EXPH5: variants seen among roughly 807,000 people sequenced by gnomAD.
EXPH5 encodes exophilin-5.
A neutral mutation model predicts 41.1 loss-of-function variants in EXPH5; 42 were observed. That is an observed-to-expected ratio of 1.02 (90% CI 0.80 to 1.32). EXPH5 has a LOEUF of 1.32. EXPH5 is among the 40% of genes most tolerant of loss of function. The pLI is 0.00. For synonymous variants in EXPH5, 798 were observed against 833.5 expected, an observed-to-expected ratio of 0.96 and a Z score of 0.73; for missense variants, 2,298 against 2,314.5, an observed-to-expected ratio of 0.99 and a Z score of 0.15.
rs76473451 is a variant in EXPH5 at position 108,538,243 on chromosome 11, G to A, written c.443+781C>T. The A allele has an allele frequency of 1.1e-5, 11 of 985,390 alleles. No homozygotes were observed. The East Asian group carries it at 5.7e-4, about 51-fold the overall frequency. The allele number at this position is 985,390 out of a possible 1,614,324, so 61.0% of individuals were successfully genotyped here. ...TACACCGTGTGGTTTGACGGCACGC[G>A]GAACATATCACGTGCCAAGCCAACA... On this transcript the variant is annotated intron_variant, in intron 3 of 5. Coordinates refer to ENST00000265843, the MANE Select transcript of EXPH5 (RefSeq NM_015065.3).
chr11:108,544,868 T>A (rs950017299), intron 1 of EXPH5, among the ~76,000 whole-genome samples: 2 of 152,188 alleles, frequency 1.3e-5, no homozygotes, highest in Non-Finnish European at 2.9e-5. Context: ...TGTTTTAGAG[T>A]AGAATAATTA....
intron 1 of EXPH5, among the ~76,000 whole-genome samples, chr11:108,575,105 T>A (rs1241935840): frequency 6.6e-6 from 1 of 152,232 alleles, no homozygotes; most frequent in Non-Finnish European, 1.5e-5. Flanking sequence ...GGTAGCTATG[T>A]GAATAGACAA....
chr11:108,525,639 C>T (rs2093793673), intron 4 of EXPH5, among the ~76,000 whole-genome samples: 1 of 152,082 alleles, frequency 6.6e-6, no homozygotes, highest in Non-Finnish European at 1.5e-5. Context: ...GTACAACTTC[C>T]CATGAAATAG....
intron 4 of EXPH5, among the ~76,000 whole-genome samples, chr11:108,520,611 C>A (rs1202557864): frequency 6.6e-6 from 1 of 152,016 alleles, no homozygotes; most frequent in Non-Finnish European, 1.5e-5. Flanking sequence ...CTCTGTGGCC[C>A]AGGCTGGAGT....
rs1291370870 is a variant in EXPH5 at position 108,510,156 on chromosome 11, T to C, written c.5351A>G (p.Glu1784Gly). Residue 1784 changes from glutamate (E) to glycine (G), a missense_variant, in exon 6 of 6, where the codon GAG becomes GGG. Physicochemically the swap from Glu to Gly is moderately conservative, Grantham distance 98. Transcript: ENST00000265843. ...LQQQRSASSL[E>G]WEPEPHLYRS... is the part of the protein sequence containing the mutation. ...ATAGAGGTGTGGCTCAGGTTCCCAC[T>C]CCAGAGATGAAGCACTCCTTTGTTG... 1.2e-6 allele frequency: 2 copies of C among 1,614,008 alleles called. No individual in the cohort carries two copies. Among genetic ancestry groups the C allele is most frequent in the Non-Finnish European group, 1.7e-6 (2 of 1,180,024 alleles).
At chr11:108,568,989 A>G (rs1387209940) in intron 1 of EXPH5, among the ~76,000 whole-genome samples, 1 of 152,056 alleles carries the variant, frequency 6.6e-6, no homozygotes, top group Non-Finnish European at 1.5e-5. Context: ...TGTCAAGCTC[A>G]GGGGCCTCGG....
intron 4 of EXPH5, among the ~76,000 whole-genome samples, chr11:108,524,982 G>A (rs953139716): frequency 2.0e-5 from 3 of 152,168 alleles, no homozygotes; most frequent in African/African-American, 7.2e-5. Context: ...GGGACCCAGT[G>A]GGCGATGACT....
At chr11:108,582,509 A>G (rs983904682) in intron 1 of EXPH5, among the ~76,000 whole-genome samples, 6 of 152,134 alleles carry the variant, frequency 3.9e-5, no homozygotes, top group Admixed American at 3.3e-4. Flanking sequence ...ACTATATATC[A>G]GTACCTCTCA....
At chr11:108,591,442 G>A (rs1358221098) in intron 1 of EXPH5, among the ~76,000 whole-genome samples, 6 of 152,114 alleles carry the variant, frequency 3.9e-5, no homozygotes, top group Non-Finnish European at 8.8e-5. Flanking sequence ...GTGGAAGTGG[G>A]GAATTAATCA....
At chr11:108,572,544 TTTTTAG>T (rs2094064197) in intron 1 of EXPH5, among the ~76,000 whole-genome samples, 1 of 152,178 alleles carries the variant, frequency 6.6e-6, no homozygotes, top group South Asian at 2.1e-4. Context: ...GCAATTTTTA[TTTTTAG>T]TTTTAGTTAT....
At chr11:108,596,924 C>T (rs953207837), upstream of EXPH5, among the ~76,000 whole-genome samples, 7 of 152,178 alleles carry the variant, frequency 4.6e-5, no homozygotes, top group African/African-American at 1.4e-4. Flanking sequence ...GCTTATTTAG[C>T]CGGAGGCAAG....
intron 5 of EXPH5, among the ~76,000 whole-genome samples, chr11:108,516,615 T>C (rs2093728431): frequency 6.6e-6 from 1 of 152,208 alleles, no homozygotes; most frequent in African/African-American, 2.4e-5. Flanking sequence ...GAAATGTACA[T>C]GCAACATGCC....
chr11:108,546,566 T>C (rs1366003011), intron 1 of EXPH5, among the ~76,000 whole-genome samples: 1 of 152,152 alleles, frequency 6.6e-6, no homozygotes. Flanking sequence ...CTTACAGATA[T>C]CATGCATACA....
rs1325572013 is a variant in EXPH5 at position 108,513,017 on chromosome 11, G to A, written c.2490C>T (p.His830=). The part of the protein sequence containing the change: ...PSFPRTDQGC[H]QELTVNNEDI... The stretch of plus-strand genomic sequence containing the variant: ...CTTCATTATTTACAGTTAATTCCTG[G>A]TGACAACCTTGGTCTGTCCTGGGGA... Residue 830 remains histidine (H), a synonymous_variant, in exon 6 of 6, where the codon CAC becomes CAT. Transcript: ENST00000265843. 2 of 1,613,888 alleles carry A rather than the reference G, an allele frequency of 1.2e-6. No individual in the cohort carries two copies. Among genetic ancestry groups the A allele is most frequent in the African/African-American group, 1.3e-5 (1 of 74,894 alleles).
In EXPH5 at chr11:108,535,797, C is replaced by T. The variant is rs143868445; in HGVS notation, c.443+3227G>A. ...AAGGCTCTTTGCATCTGAAGGGCAA[C>T]GCATATCACTTATTCATAGTAGGGA... On this transcript the variant is annotated intron_variant, in intron 3 of 5. Transcript: ENST00000265843. Among the ~76,000 whole-genome samples, 207 of 152,152 alleles carry T rather than the reference C, an allele frequency of 1.4e-3. 1 individual carries two copies. Among genetic ancestry groups the T allele is most frequent in the African/African-American group, 4.8e-3 (199 of 41,516 alleles).
chr11:108,549,030 G>A (rs1364039998), intron 1 of EXPH5, among the ~76,000 whole-genome samples: 1 of 152,184 alleles, frequency 6.6e-6, no homozygotes, highest in East Asian at 1.9e-4. Context: ...TTCCATGTGG[G>A]CTTGTTATAT....
In EXPH5 at chr11:108,541,789, T is replaced by A; in HGVS notation, c.143A>T (p.Asp48Val). ...RISKLQKTKR[D>V]IRWLQGVTGE... is the part of the protein sequence containing the mutation. ...AGTCACTCCCTGAAGCCATCTGATA[T>A]CCCTCTTTGTCTTCTGAAGTTTGCT... Residue 48 changes from aspartate (D) to valine (V), a missense_variant, in exon 2 of 6, where the codon GAT (aspartate) becomes GTT (valine). By Grantham distance (152) the Asp-to-Val change is radical (BLOSUM62 -3). Coordinates refer to ENST00000265843, the MANE Select transcript of EXPH5 (RefSeq NM_015065.3). 6.3e-7 allele frequency: 1 copy of A among 1,599,030 alleles called. No homozygotes were observed. The highest frequency in any genetic ancestry group is 8.5e-7 in the Non-Finnish European group (1 of 1,175,998).
intron 1 of EXPH5, among the ~76,000 whole-genome samples, chr11:108,572,472 T>A (rs994127471): frequency 6.6e-6 from 1 of 152,240 alleles, no homozygotes; most frequent in Admixed American, 6.5e-5. Context: ...CCAGCCCACC[T>A]GTGAGTGGAA....
chr11:108,549,615 C>T (rs763129881), intron 1 of EXPH5, among the ~76,000 whole-genome samples: 2 of 152,134 alleles, frequency 1.3e-5, no homozygotes, highest in Non-Finnish European at 2.9e-5. Context: ...ATTTATCTCC[C>T]GGTCATTGTG....
Sources: allele counts gnomAD v4.1 joint callset (sites outside exome capture counted in the v4.1 genomes callset), GRCh38; gene constraint gnomAD v4.1.1; transcripts MANE v1.5; gene names NCBI Gene and HGNC (gene_info 2026-07-23, HGNC 2026-07-21).